Variants in CHDH observed in about 807,000 individuals in gnomAD.
CHDH encodes choline dehydrogenase, also known as choline dehydrogenase, mitochondrial.
CHDH carries 43 observed loss-of-function variants against 56.9 expected under a neutral mutation model. The observed-to-expected ratio is 0.76, with a 90% CI of 0.59 to 0.97. The LOEUF (loss-of-function observed/expected upper bound fraction) is 0.97. Ranked by LOEUF, CHDH falls within the 50% of genes least tolerant of loss-of-function variation. The probability of loss-of-function intolerance (pLI) is 0.00; values close to 1 mark genes in which losing one functional copy is unlikely to be tolerated. For synonymous variants in CHDH, 364 were observed against 348.5 expected, an observed-to-expected ratio of 1.04 and a Z score of -0.50; for missense variants, 816 against 821.1, an observed-to-expected ratio of 0.99 and a Z score of 0.08.
rs78371839 is a variant in CHDH at position 53,823,789 on chromosome 3, G to A, written c.220C>T (p.Pro74Ser). ...TTGCTCCCCGCGAGCACGTCCTTGG[G>A]CCCGGCCTCCAGCAGCAGCACGCGC... ...AERVLLLEAG[P>S]KDVLAGSKRL... is the part of the protein sequence containing the mutation. Residue 74 changes from proline to serine, a missense_variant, in exon 3 of 9, where the codon CCC becomes TCC. Transcript: ENST00000315251. 2 of 1,574,824 alleles carry A rather than the reference G, an allele frequency of 1.3e-6. No homozygotes were observed. Among genetic ancestry groups the A allele is most frequent in the Non-Finnish European group, 1.7e-6 (2 of 1,163,672 alleles).
chr3:53,835,632 C>G (rs1217303876), intron 2 of CHDH, among the ~76,000 whole-genome samples: 1 of 152,330 alleles, frequency 6.6e-6, no homozygotes, highest in East Asian at 1.9e-4. Context: ...ACAAGATTCC[C>G]TACATGCTAG....
At chr3:53,837,487 G>A (rs1394930368) in intron 2 of CHDH, among the ~76,000 whole-genome samples, 1 of 152,248 alleles carries the variant, frequency 6.6e-6, no homozygotes, top group Non-Finnish European at 1.5e-5. Flanking sequence ...CATCGCATCA[G>A]AGCTCTGCCA....
chr3:53,819,347 A>C lies in CHDH; in HGVS notation c.1263+185T>G, dbSNP rs1406295617. Among the ~76,000 whole-genome samples the C allele has an allele frequency of 6.6e-6, 1 of 152,126 alleles. No homozygotes were observed. Among genetic ancestry groups the C allele is most frequent in the Non-Finnish European group, 1.5e-5 (1 of 68,020 alleles). The stretch of plus-strand genomic sequence containing the variant: ...GGTACCTAGCCTGCATGAAACAGTC[A>C]TACCATTGGCATGCACCACGCAGAC... On this transcript the variant is annotated intron_variant, in intron 7 of 8. Coordinates refer to ENST00000315251, the MANE Select transcript of CHDH (RefSeq NM_018397.5). This position sits in a 1 kb window ranked among gnomAD's most constrained non-coding sequence, Gnocchi z 5.4.
chr3:53,818,732 C>A (rs1284735328), intron 8 of CHDH, among the ~76,000 whole-genome samples: 2 of 152,222 alleles, frequency 1.3e-5, no homozygotes, highest in Non-Finnish European at 2.9e-5. Context: ...ACTGTCTAAA[C>A]CCTGGGACTT....
rs1157991453 is a variant in CHDH at position 53,820,522 on chromosome 3, G to C, written c.1072C>G (p.Pro358Ala). ...AGACCAATGCAGACCTTCCGCAGGG[G>C]CTTCTGTGCTGAATGGAGGGTGATA... ...RPITLHSAQK[P>A]LRKVCIGLEW... The change falls in exon 6 of 9, where the codon CCC (proline) becomes GCC (alanine). Residue 358 changes from proline (P) to alanine (A), a missense_variant. Physicochemically the swap from Pro to Ala is conservative, Grantham distance 27. Coordinates refer to ENST00000315251, the MANE Select transcript of CHDH (RefSeq NM_018397.5). 1 of 1,613,966 alleles carries C rather than the reference G, an allele frequency of 6.2e-7. No individual in the cohort carries two copies. The highest frequency in any genetic ancestry group is 1.3e-5 in the African/African-American group (1 of 74,918).
At chr3:53,829,703 C>T (rs1576793296) in intron 2 of CHDH, among the ~76,000 whole-genome samples, 2 of 152,328 alleles carry the variant, frequency 1.3e-5, no homozygotes, top group East Asian at 3.9e-4. Flanking sequence ...CCTGGAGTAT[C>T]AACAGGGAGG....
chr3:53,838,016 C>T (rs1321612084), intron 2 of CHDH, among the ~76,000 whole-genome samples: 1 of 126,188 alleles, frequency 7.9e-6, no homozygotes, highest in Non-Finnish European at 1.6e-5. Flanking sequence ...AAGATCGTAT[C>T]ACTGCACTCC....
rs563978128 is a variant in CHDH, at chr3:53,845,640, G to T, written c.-131+443C>A. On this transcript the variant is annotated intron_variant, in intron 1 of 8. Transcript: ENST00000315251. The stretch of plus-strand genomic sequence containing the variant: ...ATTACGGGGGCGTGGGTGGAGGCTC[G>T]TTAAATGCAGATCCCGGGCCTGACC... 7.9e-5 allele frequency among the ~76,000 whole-genome samples: 12 copies of T among 152,278 alleles called. No individual in the cohort carries two copies. In the South Asian group the frequency reaches 2.3e-3, roughly 29 times the overall value.
chr3:53,827,157 T>C (rs1427158353), intron 2 of CHDH, among the ~76,000 whole-genome samples: 1 of 152,132 alleles, frequency 6.6e-6, no homozygotes, highest in African/African-American at 2.4e-5. Flanking sequence ...TCTTGTCGAA[T>C]TGTAATCACC....
chr3:53,821,907 C>G, intron 4 of CHDH, 131 bp from the exon 5 acceptor site: 3 of 1,201,210 alleles, frequency 2.5e-6, no homozygotes, highest in Non-Finnish European at 3.4e-6. Flanking sequence ...ACACCCGGGA[C>G]AGGCCCCAGA....
At chr3:53,827,991 A>G (rs1335452321) in intron 2 of CHDH, among the ~76,000 whole-genome samples, 2 of 152,222 alleles carry the variant, frequency 1.3e-5, no homozygotes, top group Non-Finnish European at 2.9e-5. Context: ...AAGATTTACT[A>G]TAAAGCTACA....
Position 53,821,559 on chromosome 3 carries a change from C to T in CHDH, c.985+88G>A. On this transcript the variant is annotated intron_variant, in intron 5 of 8. Coordinates refer to ENST00000315251, the MANE Select transcript of CHDH (RefSeq NM_018397.5). ...TCCAAGGATCACTGACTGCCACCACCTCCCCACTTCATGCTAATAAGATAC... is the reference window on the plus strand; with the variant it reads ...TCCAAGGATCACTGACTGCCACCACTTCCCCACTTCATGCTAATAAGATAC... 4.2e-6 allele frequency: 5 copies of T among 1,198,288 alleles called. No homozygotes were observed. In the East Asian group the frequency reaches 9.4e-5, roughly 23 times the overall value. 74.2% of individuals were successfully genotyped at this position (1,198,288 alleles called of 1,614,324 possible). A position where few individuals can be genotyped will look rare whatever the true frequency, so the allele number is the denominator to read the frequency against.
chr3:53,832,947 A>T (rs915686275), intron 2 of CHDH, among the ~76,000 whole-genome samples: 8 of 152,230 alleles, frequency 5.3e-5, no homozygotes, highest in African/African-American at 1.9e-4. Flanking sequence ...CCTACATGCG[A>T]CTGAATTCTG....
At chr3:53,833,636 C>A (rs921924238) in intron 2 of CHDH, among the ~76,000 whole-genome samples, 14 of 152,154 alleles carry the variant, frequency 9.2e-5, no homozygotes, top group African/African-American at 2.9e-4. Flanking sequence ...TCCTCCCTGC[C>A]ATGGGTGGGG....
rs554131598 is a variant in CHDH at position 53,816,400 on chromosome 3, T to C, written c.*1377A>G. 1 of 152,246 alleles carries C rather than the reference T, an allele frequency of 6.6e-6. No homozygotes were observed. The highest frequency in any genetic ancestry group is 1.5e-5 in the Non-Finnish European group (1 of 68,046). The allele number at this position is 152,246 out of a possible 1,614,324, so 9.4% of individuals were successfully genotyped here. The stretch of plus-strand genomic sequence containing the variant: ...GTGACTGGATCACTTTATTGAATGG[T>C]AAGAAATTTAAAGAGCAAAGAGCTG... On this transcript the variant is annotated 3_prime_UTR_variant, in exon 9 of 9. Transcript: ENST00000315251.
In CHDH at chr3:53,823,556, C is replaced by T. The variant is rs1419267930; in HGVS notation, c.453G>A (p.Gln151=). 1.9e-6 allele frequency: 3 copies of T among 1,542,724 alleles called. No homozygotes were observed. The highest frequency in any genetic ancestry group is 1.4e-5 in the African/African-American group (1 of 73,056). Residue 151 remains glutamine (Q), a synonymous_variant, in exon 3 of 9, where the codon CAG becomes CAA. Transcript: ENST00000315251. ...RGHAEDYERW[Q]RQGARGWDYA... ...AGTCCCAGCCGCGGGCGCCCTGGCG[C>T]TGCCAGCGCTCGTAGTCCTCGGCGT...
At chr3:53,833,163 G>T (rs1490495720) in intron 2 of CHDH, among the ~76,000 whole-genome samples, 1 of 152,220 alleles carries the variant, frequency 6.6e-6, no homozygotes, top group African/African-American at 2.4e-5. Flanking sequence ...AATTAAAATT[G>T]ACAAGATCAA....
At position 53,819,410 on chromosome 3, in the gene CHDH, C is replaced by G; in HGVS notation, c.1263+122G>C. The G allele has an allele frequency of 7.6e-7, 1 of 1,315,416 alleles. No homozygotes were observed. Among genetic ancestry groups the G allele is most frequent in the Non-Finnish European group, 1.0e-6 (1 of 953,768 alleles). The allele number at this position is 1,315,416 out of a possible 1,614,324, so 81.5% of individuals were successfully genotyped here. On this transcript the variant is annotated intron_variant, in intron 7 of 8. Coordinates refer to ENST00000315251, the MANE Select transcript of CHDH (RefSeq NM_018397.5). The surrounding 1 kb of genome is among the most constrained non-coding windows in gnomAD (Gnocchi z 5.4). ...CAGCTGGAAGGCAGGGGACAGGCCT[C>G]TGTGTCCCCCACTCTGCAGCCATAT... is the stretch of plus-strand genomic sequence containing the variant.
Position 53,823,375 on chromosome 3 carries a change from G to A in CHDH, c.634C>T (p.Pro212Ser). ...FLEATQQAGY[P>S]LTEDMNGFQQ... ...AAGCCATTCATGTCCTCGGTGAGCGGGTAGCCGGCCTGCTGCGTGGCCTCC... is the reference window on the plus strand; with the variant it reads ...AAGCCATTCATGTCCTCGGTGAGCGAGTAGCCGGCCTGCTGCGTGGCCTCC... Residue 212 changes from proline (P) to serine (S), a missense_variant, in exon 3 of 9, where the codon CCG becomes TCG. Coordinates refer to ENST00000315251, the MANE Select transcript of CHDH (RefSeq NM_018397.5). 6.2e-7 allele frequency: 1 copy of A among 1,605,796 alleles called. No individual in the cohort carries two copies. The highest frequency in any genetic ancestry group is 8.5e-7 in the Non-Finnish European group (1 of 1,175,606).
Sources: gnomAD v4.1 joint callset for allele counts (sites outside exome capture counted in the v4.1 genomes callset) on GRCh38, gnomAD v4.1.1 for gene constraint, Gnocchi (gnomAD v3.1) non-coding constraint, MANE v1.5 for transcripts, NCBI Gene and HGNC (gene_info 2026-07-23, HGNC 2026-07-21) for gene names.